SASS6: variants seen among roughly 807,000 people sequenced by gnomAD.
The protein encoded by SASS6 is spindle assembly abnormal protein 6 homolog.
A neutral mutation model predicts 94.9 loss-of-function variants in SASS6; 59 were observed. The ratio of observed to expected loss-of-function variants is 0.62; its 90% CI spans 0.50 to 0.77. The LOEUF (loss-of-function observed/expected upper bound fraction) is 0.77. Ranked by LOEUF, SASS6 falls within the 30% of genes least tolerant of loss-of-function variation. The pLI, the probability that SASS6 is intolerant of heterozygous loss-of-function variation, is 0.00. For missense variants in SASS6, 698 were observed against 734.1 expected (o/e 0.95, Z 0.57); for synonymous variants, 264 against 270.0 (o/e 0.98, Z 0.22).
chr1:100,128,927 G>C (rs1157659988), intron 1 of SASS6, among the ~76,000 whole-genome samples: 1 of 152,058 alleles, frequency 6.6e-6, no homozygotes, highest in Non-Finnish European at 1.5e-5. Flanking sequence ...CAGGTGCTAG[G>C]GATACAAACA....
chr1:100,110,773 T>G (rs895997676), intron 7 of SASS6, among the ~76,000 whole-genome samples: 2 of 151,792 alleles, frequency 1.3e-5, no homozygotes, highest in Non-Finnish European at 2.9e-5. Context: ...GTCTTCAAGT[T>G]AAGGGAAGAT....
At chr1:100,118,515 G>A (rs1653948141) in intron 7 of SASS6, among the ~76,000 whole-genome samples, 1 of 152,074 alleles carries the variant, frequency 6.6e-6, no homozygotes, top group South Asian at 2.1e-4. Flanking sequence ...TTGCAGTATT[G>A]CTTAAAATAA....
In SASS6 at chr1:100,083,949, A is replaced by G. The variant is rs1651033788; in HGVS notation, c.*1379T>C. 1 of 151,976 alleles carries G rather than the reference A, an allele frequency of 6.6e-6. No individual in the cohort carries two copies. Among genetic ancestry groups the G allele is most frequent in the Non-Finnish European group, 1.5e-5 (1 of 67,896 alleles). 9.4% of individuals were successfully genotyped at this position (151,976 alleles called of 1,614,324 possible). ...TTACAATAAAGCTCCTTCCAAAATC[A>G]CCAAGAGGCTTCTTTCCAGAATAGC... On this transcript the variant is annotated 3_prime_UTR_variant, in exon 17 of 17. Coordinates refer to ENST00000287482, the MANE Select transcript of SASS6 (RefSeq NM_194292.3).
chr1:100,105,182 T>C (rs879120802), intron 13 of SASS6, among the ~76,000 whole-genome samples: 1 of 152,210 alleles, frequency 6.6e-6, no homozygotes, highest in Admixed American at 6.5e-5. Flanking sequence ...GTATATTTGG[T>C]ATTACTTTAG....
chr1:100,101,058 T>TAA (rs74307657), intron 14 of SASS6, among the ~76,000 whole-genome samples: 5,368 of 152,278 alleles, frequency 0.035, 172 homozygotes, highest in East Asian at 0.12. Flanking sequence ...GCAAATGCAT[T>TAA]AATTCACTTA....
At position 100,094,769 on chromosome 1, in the gene SASS6, G is replaced by A. The variant is rs545685810; in HGVS notation, c.1675-6533C>T. On this transcript the variant is annotated intron_variant, in intron 14 of 16. Coordinates refer to ENST00000287482, the MANE Select transcript of SASS6 (RefSeq NM_194292.3). ...TAGTCCCAGCTACTCGGGAGGCTGC[G>A]GCAGAAGAATCGCTGGAACCCAGGA... Among the ~76,000 whole-genome samples, 16 of 151,722 alleles carry A rather than the reference G, an allele frequency of 1.1e-4. No homozygotes were observed. The East Asian group carries it at 2.1e-3, about 20-fold the overall frequency.
At chr1:100,089,762 T>C (rs968497414) in intron 14 of SASS6, among the ~76,000 whole-genome samples, 1 of 152,012 alleles carries the variant, frequency 6.6e-6, no homozygotes, top group African/African-American at 2.4e-5. Flanking sequence ...TCTTAGTTAT[T>C]GAGGAGAAAG....
chr1:100,120,530 G>T, intron 5 of SASS6, 71 bp from the exon 6 acceptor site: 1 of 704,306 alleles, frequency 1.4e-6, no homozygotes, highest in Non-Finnish European at 2.5e-6. Context: ...TCAAAGTATA[G>T]CATCAGCATC....
intron 15 of SASS6, among the ~76,000 whole-genome samples, 157 bp downstream of exon 15, chr1:100,087,982 T>G (rs1163270970): frequency 1.3e-5 from 2 of 152,208 alleles, no homozygotes; most frequent in Non-Finnish European, 2.9e-5. Context: ...AATCTCTTTT[T>G]TATAGCTAAG....
intron 7 of SASS6, among the ~76,000 whole-genome samples, chr1:100,117,271 A>T (rs971102826): frequency 6.6e-5 from 10 of 151,576 alleles, no homozygotes; most frequent in African/African-American, 2.4e-4. Context: ...AGCCTGGGCA[A>T]CAAGAGCGAA....
chr1:100,112,544 A>C (rs1653428550), intron 7 of SASS6, among the ~76,000 whole-genome samples: 1 of 152,224 alleles, frequency 6.6e-6, no homozygotes, highest in Non-Finnish European at 1.5e-5. Context: ...AAAATGCAAG[A>C]ATCAAATTTG....
In SASS6 at chr1:100,110,493, AAT is replaced by A; in HGVS notation, c.670-12_670-11del. On this transcript the variant is annotated splice_polypyrimidine_tract_variant and intron_variant, in intron 7 of 16. Transcript: ENST00000287482. Reference sequence around the variant, plus strand: ...GATATTGAACCTGTGCCTATGATACAATAAAAATACAGTACCAAAATTCAAAG... The same window carrying A: ...GATATTGAACCTGTGCCTATGATACAAAAAATACAGTACCAAAATTCAAAG... The A allele has an allele frequency of 6.7e-7, 1 of 1,494,638 alleles. No individual in the cohort carries two copies. The highest frequency in any genetic ancestry group is 1.3e-5 in the South Asian group (1 of 74,608). The allele number at this position is 1,494,638 out of a possible 1,614,324, so 92.6% of individuals were successfully genotyped here. A position where few individuals can be genotyped will look rare whatever the true frequency, so the allele number is the denominator to read the frequency against.
rs59388922 is a variant in SASS6 at position 100,125,222 on chromosome 1, A to AGTGTGTGTGTGTGTGTGT, written c.126+642_126+659dup. Among the ~76,000 whole-genome samples, 539 of 143,700 alleles carry AGTGTGTGTGTGTGTGTGT rather than the reference A, an allele frequency of 3.8e-3. 4 individuals are homozygous for AGTGTGTGTGTGTGTGTGT. Among genetic ancestry groups the AGTGTGTGTGTGTGTGTGT allele is most frequent in the African/African-American group, 9.0e-3 (350 of 39,092 alleles). The allele number at this position is 143,700 out of a possible 152,430, so 94.3% of individuals were successfully genotyped here. On this transcript the variant is annotated intron_variant, in intron 2 of 16. Transcript: ENST00000287482. ...TGAAATGCCAATTCTACAAGGCAGC[A>AGTGTGTGTGTGTGTGTGT]GTGTGTGTGTGTGTGTGTGTGTGTG...
intron 14 of SASS6, among the ~76,000 whole-genome samples, chr1:100,098,610 C>T (rs557387766): frequency 6.7e-6 from 1 of 150,082 alleles, no homozygotes; most frequent in Non-Finnish European, 1.5e-5. Flanking sequence ...TCTATTAGTA[C>T]CAGGCCACCG....
At chr1:100,107,774 T>C in intron 9 of SASS6, 36 bp downstream of exon 9, 1 of 1,552,030 alleles carries the variant, frequency 6.4e-7, no homozygotes, top group Non-Finnish European at 8.9e-7. Context: ...CTTATAAATA[T>C]GATTATCAAT....
intron 1 of SASS6, among the ~76,000 whole-genome samples, chr1:100,126,356 C>T (rs896097068): frequency 6.6e-6 from 1 of 152,088 alleles, no homozygotes; most frequent in Non-Finnish European, 1.5e-5. Context: ...CCTCATATAC[C>T]CTTACTGCCC....
At position 100,085,336 on chromosome 1, in the gene SASS6, T is replaced by C. The variant is rs1192946335; in HGVS notation, c.1966A>G (p.Asn656Asp). ...SSAYFPGQLP[N>D]S ...AAAACATGACACTAGAATTAACTGTTTGGTAACTGCCCAGGGAAATAGGCT... is the reference window on the plus strand; with the variant it reads ...AAAACATGACACTAGAATTAACTGTCTGGTAACTGCCCAGGGAAATAGGCT... Residue 656 changes from asparagine to aspartate, a missense_variant, in exon 17 of 17, where the codon AAC becomes GAC. Physicochemically the swap from Asn to Asp is conservative, Grantham distance 23. Coordinates refer to ENST00000287482, the MANE Select transcript of SASS6 (RefSeq NM_194292.3). The C allele has an allele frequency of 6.2e-7, 1 of 1,604,238 alleles. No individual in the cohort carries two copies. Among genetic ancestry groups the C allele is most frequent in the African/African-American group, 1.3e-5 (1 of 74,720 alleles).
chr1:100,105,688 G>C, intron 13 of SASS6, 79 bp downstream of exon 13: 2 of 1,410,454 alleles, frequency 1.4e-6, no homozygotes, highest in Non-Finnish European at 2.0e-6. Context: ...CTTAAATCAT[G>C]GAAACTTCCT....
intron 1 of SASS6, 125 bp downstream of exon 1, chr1:100,132,625 C>G (rs967631651): frequency 1.2e-5 from 10 of 831,308 alleles, no homozygotes; most frequent in Non-Finnish European, 1.8e-5. Context: ...GTTCCCTATC[C>G]GCTTCCTAGG....
Sources: gnomAD v4.1 joint callset for allele counts (sites outside exome capture counted in the v4.1 genomes callset) on GRCh38, gnomAD v4.1.1 for gene constraint, MANE v1.5 for transcripts, NCBI Gene and HGNC (gene_info 2026-07-23, HGNC 2026-07-21) for gene names.